Variants in HTRA1 observed in about 807,000 individuals in gnomAD.
HTRA1 encodes serine protease HTRA1.
Under a neutral mutation model 49.7 loss-of-function variants are expected in HTRA1, and 26 were observed. That is an observed-to-expected ratio of 0.52 (90% CI 0.38 to 0.73). The LOEUF (loss-of-function observed/expected upper bound fraction) is 0.73, where lower values mean the gene tolerates loss of function less well. HTRA1 is among the 30% of genes least tolerant of loss of function. The pLI is 0.00. For missense variants in HTRA1, 561 were observed against 667.2 expected (o/e 0.84, Z 1.75); for synonymous variants, 291 against 286.9 (o/e 1.01, Z -0.14).
At chr10:122,468,303 C>G (rs905911004) in intron 1 of HTRA1, among the ~76,000 whole-genome samples, 5 of 152,172 alleles carry the variant, frequency 3.3e-5, no homozygotes, top group Non-Finnish European at 7.3e-5. Context: ...ATACGTAGCT[C>G]TTAGGGCATT....
intron 3 of HTRA1, among the ~76,000 whole-genome samples, chr10:122,499,196 GGAAGAT>G (rs1316747543): frequency 6.6e-6 from 1 of 152,092 alleles, no homozygotes; most frequent in African/African-American, 2.4e-5. Flanking sequence ...GGGACCCTAG[GGAAGAT>G]GCTTGGCTCG....
At chr10:122,477,220 G>C (rs1202065167) in intron 1 of HTRA1, among the ~76,000 whole-genome samples, 1 of 152,072 alleles carries the variant, frequency 6.6e-6, no homozygotes, top group Non-Finnish European at 1.5e-5. Context: ...GCCCACCTTG[G>C]CCTCCCAAAG....
intron 3 of HTRA1, among the ~76,000 whole-genome samples, chr10:122,493,921 C>G (rs777248901): frequency 2.0e-5 from 3 of 151,432 alleles, no homozygotes; most frequent in Non-Finnish European, 2.9e-5. Flanking sequence ...CCAGGGCTGT[C>G]CCCTGGGGCC....
At chr10:122,513,597 A>T (rs533417180) in intron 8 of HTRA1, among the ~76,000 whole-genome samples, 1 of 138,710 alleles carries the variant, frequency 7.2e-6, no homozygotes, top group Admixed American at 8.1e-5. Flanking sequence ...GGAGTTCGAG[A>T]CTAGCTTGGG....
chr10:122,509,082 G>A (rs1267694427), intron 6 of HTRA1, among the ~76,000 whole-genome samples: 1 of 152,090 alleles, frequency 6.6e-6, no homozygotes, highest in East Asian at 1.9e-4. Context: ...CTATCAGTTA[G>A]GAATTACTAG....
At chr10:122,495,159 C>T (rs767889932) in intron 3 of HTRA1, among the ~76,000 whole-genome samples, 19 of 152,228 alleles carry the variant, frequency 1.2e-4, no homozygotes, top group Non-Finnish European at 2.2e-4. Flanking sequence ...TGTCACTCAT[C>T]CTCATGAAGG....
At chr10:122,501,561 T>C (rs1483764891) in intron 3 of HTRA1, among the ~76,000 whole-genome samples, 2 of 152,074 alleles carry the variant, frequency 1.3e-5, no homozygotes, top group South Asian at 2.1e-4. Flanking sequence ...GAGCCCTGGG[T>C]TTGTTTTAGT....
chr10:122,474,842 C>T (rs78293864), intron 1 of HTRA1, among the ~76,000 whole-genome samples: 42 of 152,254 alleles, frequency 2.8e-4, no homozygotes, highest in Non-Finnish European at 2.6e-4. Flanking sequence ...AATGTAACAG[C>T]ACCGATCAAA....
intron 1 of HTRA1, among the ~76,000 whole-genome samples, chr10:122,473,871 A>G (rs1282380390): frequency 2.6e-5 from 4 of 152,222 alleles, no homozygotes; most frequent in African/African-American, 7.2e-5. Context: ...TAATGTTTTC[A>G]AGGTTGTCCA....
At position 122,511,996 on chromosome 10, in the gene HTRA1, A is replaced by G. The variant is rs1203500537; in HGVS notation, c.1205A>G (p.His402Arg). Residue 402 changes from histidine to arginine, a missense_variant, in exon 8 of 9, where the codon CAC (histidine) becomes CGC (arginine). Coordinates refer to ENST00000368984, the MANE Select transcript of HTRA1 (RefSeq NM_002775.5). ...SSKAKELKDRHRDFPDVISGA... is the reference protein window; with the variant it reads ...SSKAKELKDRRRDFPDVISGA... ...AAAGCCAAAGAGCTGAAGGACCGGC[A>G]CCGGGACTTCCCAGACGTGATCTCA... The G allele has an allele frequency of 2.5e-6, 4 of 1,614,010 alleles. No individual in the cohort carries two copies. The South Asian group carries it at 3.3e-5, about 13-fold the overall frequency.
chr10:122,494,872 G>A lies in HTRA1; in HGVS notation c.777+5246G>A, dbSNP rs1418521740. Among the ~76,000 whole-genome samples the A allele has an allele frequency of 1.3e-5, 2 of 152,234 alleles. No individual in the cohort carries two copies. The highest frequency in any genetic ancestry group is 2.1e-4 in the South Asian group (1 of 4,810). ...GGGCCTGGGGCCTTTTACATGTCCC[G>A]GGAGCTGCTGAGCAGGCCACTCTTC... On this transcript the variant is annotated intron_variant, in intron 3 of 8. Coordinates refer to ENST00000368984, the MANE Select transcript of HTRA1 (RefSeq NM_002775.5). This position sits in a 1 kb window ranked among gnomAD's most constrained non-coding sequence, Gnocchi z 4.0.
rs1266238441 is a variant in HTRA1 at position 122,461,731 on chromosome 10, G to C, written c.79G>C (p.Ala27Pro). Residue 27 changes from alanine (A) to proline (P), a missense_variant, in exon 1 of 9, where the codon GCC becomes CCC. Coordinates refer to ENST00000368984, the MANE Select transcript of HTRA1 (RefSeq NM_002775.5). ...GCCCGCCTCGGCGCAGCTGTCCCGG[G>C]CCGGCCGCTCGGCGCCTTTGGCCGC... is the stretch of plus-strand genomic sequence containing the variant. ...AAPASAQLSR[A>P]GRSAPLAAGC... 1.9e-5 allele frequency: 22 copies of C among 1,178,174 alleles called. No homozygotes were observed. The highest frequency in any genetic ancestry group is 2.2e-5 in the Non-Finnish European group (21 of 943,368). The allele number at this position is 1,178,174 out of a possible 1,614,324, so 73.0% of individuals were successfully genotyped here.
At chr10:122,485,683 G>A (rs903998819) in intron 1 of HTRA1, among the ~76,000 whole-genome samples, 10 of 152,188 alleles carry the variant, frequency 6.6e-5, no homozygotes, top group Admixed American at 2.6e-4. Flanking sequence ...GAAGGGAACT[G>A]CCTCTCATTT....
intron 1 of HTRA1, among the ~76,000 whole-genome samples, chr10:122,463,889 G>A (rs1411128601): frequency 1.3e-5 from 2 of 152,238 alleles, no homozygotes; most frequent in Non-Finnish European, 2.9e-5. Context: ...CTTGTTTGGA[G>A]GTGAATAGAT....
intron 4 of HTRA1, among the ~76,000 whole-genome samples, chr10:122,507,127 G>T (rs1462636730): frequency 2.6e-5 from 4 of 152,196 alleles, no homozygotes; most frequent in Non-Finnish European, 5.9e-5. Context: ...GTGCTTTAGG[G>T]TGATTGCAGT....
At chr10:122,496,258 T>TTTTTTTTTTG (rs1565427230) in intron 3 of HTRA1, among the ~76,000 whole-genome samples, 2 of 132,508 alleles carry the variant, frequency 1.5e-5, no homozygotes, top group African/African-American at 5.5e-5. Context: ...TTTTTTTTTT[T>TTTTTTTTTTG]TGCAGAGATG....
In HTRA1 at chr10:122,511,850, T is replaced by G. The variant is rs2097505774; in HGVS notation, c.1179-120T>G. The G allele has an allele frequency of 3.4e-5, 25 of 724,874 alleles. 1 individual carries two copies. The South Asian group carries it at 3.8e-4, about 11-fold the overall frequency. The allele number at this position is 724,874 out of a possible 1,614,324, so 44.9% of individuals were successfully genotyped here. A position where few individuals can be genotyped will look rare whatever the true frequency, so the allele number is the denominator to read the frequency against. ...TTTTAATTTTAAAATAGGATCAGAA[T>G]TCCTGGAGGAATTTTACCTTAGACC... On this transcript the variant is annotated intron_variant, in intron 7 of 8. Transcript: ENST00000368984.
rs192384912 is a variant in HTRA1 at position 122,468,972 on chromosome 10, C to T, written c.472+6848C>T. Among the ~76,000 whole-genome samples the T allele has an allele frequency of 1.1e-4, 16 of 152,262 alleles. 1 individual carries two copies. Among genetic ancestry groups the T allele is most frequent in the Admixed American group, 2.6e-4 (4 of 15,298 alleles). On this transcript the variant is annotated intron_variant, in intron 1 of 8. Coordinates refer to ENST00000368984, the MANE Select transcript of HTRA1 (RefSeq NM_002775.5). ...TCCAGGACAAATTGTCGAATAAGCA[C>T]GTTTCATAAAAACAATCCTCCGCAG...
In HTRA1 at chr10:122,514,637, A is replaced by G; in HGVS notation, c.*278A>G. ...GGCCATTCTTGCTTAGACAGTCAGC[A>G]TTTGTCTCCTCCTTTAACTGAGTCA... On this transcript the variant is annotated 3_prime_UTR_variant, in exon 9 of 9. Transcript: ENST00000368984. 4.5e-6 allele frequency: 2 copies of G among 444,896 alleles called. No individual in the cohort carries two copies. Among genetic ancestry groups the G allele is most frequent in the Non-Finnish European group, 4.2e-6 (1 of 238,672 alleles). 27.6% of individuals were successfully genotyped at this position (444,896 alleles called of 1,614,324 possible).
Sources: allele counts gnomAD v4.1 joint callset (sites outside exome capture counted in the v4.1 genomes callset), GRCh38; gene constraint gnomAD v4.1.1; non-coding constraint Gnocchi (gnomAD v3.1); transcripts MANE v1.5; gene names NCBI Gene and HGNC (gene_info 2026-07-23, HGNC 2026-07-21).